NBAS: variants seen among roughly 807,000 people sequenced by gnomAD.
NBAS encodes NAG/BC035112 fusion.
Under a neutral mutation model 302.5 loss-of-function variants are expected in NBAS, and 219 were observed. The ratio of observed to expected loss-of-function variants is 0.72; its 90% CI spans 0.65 to 0.81. The LOEUF (loss-of-function observed/expected upper bound fraction) is 0.81, where lower values mean the gene tolerates loss of function less well. Ranked by LOEUF, NBAS falls within the 30% of genes least tolerant of loss-of-function variation. The probability of loss-of-function intolerance (pLI) is 0.00; values close to 1 mark genes in which losing one functional copy is unlikely to be tolerated. For synonymous variants in NBAS, 1,118 were observed against 1,021.6 expected, an observed-to-expected ratio of 1.09 and a Z score of -1.80; for missense variants, 2,932 against 2,841.6, an observed-to-expected ratio of 1.03 and a Z score of -0.72.
intron 21 of NBAS, among the ~76,000 whole-genome samples, chr2:15,449,954 G>C (rs1382170214): frequency 2.0e-5 from 3 of 152,094 alleles, no homozygotes; most frequent in Non-Finnish European, 2.9e-5. Context: ...AACTAATCAA[G>C]TTTTCAATCT....
chr2:15,396,430 T>C lies in NBAS; in HGVS notation c.3117A>G (p.Gln1039=), dbSNP rs926104978. The change falls in exon 27 of 52, where the codon CAA becomes CAG. Residue 1039 remains glutamine, a synonymous_variant. Coordinates refer to ENST00000281513, the MANE Select transcript of NBAS (RefSeq NM_015909.4). ...ATTKLHDMVD[Q]LEQILSVSEL... ...TTTCTCACCTGAGAATTTGTTCCAG[T>C]TGGTCTACCATGTCATGAAGCTTTG... 2 of 1,606,986 alleles carry C rather than the reference T, an allele frequency of 1.2e-6. No individual in the cohort carries two copies. Among genetic ancestry groups the C allele is most frequent in the African/African-American group, 2.7e-5 (2 of 74,566 alleles).
the NBAS span, among the ~76,000 whole-genome samples, chr2:14,892,935 G>C: frequency 6.6e-6 from 1 of 152,040 alleles, no homozygotes; most frequent in African/African-American, 2.4e-5. Flanking sequence ...ATTTGCTTAA[G>C]TGAATCAAAG....
chr2:15,182,952 G>C (rs1664899066), intron 50 of NBAS, among the ~76,000 whole-genome samples: 1 of 151,914 alleles, frequency 6.6e-6, no homozygotes. Context: ...TGGAGATGAA[G>C]AAAAAGGTGA....
chr2:15,297,583 C>T (rs12993786), intron 40 of NBAS, among the ~76,000 whole-genome samples: 83,387 of 152,100 alleles, frequency 0.55, 24,417 homozygotes, highest in East Asian at 0.85. Flanking sequence ...GCTTCCCCAT[C>T]GCCTTCTGCC....
the NBAS span, among the ~76,000 whole-genome samples, chr2:14,896,107 G>C: frequency 6.6e-6 from 1 of 151,872 alleles, no homozygotes; most frequent in African/African-American, 2.4e-5. Flanking sequence ...AAATTAATCC[G>C]GGAGAAGAGA....
At chr2:15,510,900 C>T (rs1374173516) in intron 10 of NBAS, among the ~76,000 whole-genome samples, 2 of 152,146 alleles carry the variant, frequency 1.3e-5, no homozygotes, top group African/African-American at 4.8e-5. Flanking sequence ...CTCCAAATAG[C>T]TGCCAACACA....
chr2:15,243,134 G>A (rs137958774), intron 44 of NBAS, among the ~76,000 whole-genome samples: 198 of 152,232 alleles, frequency 1.3e-3, no homozygotes, highest in African/African-American at 4.4e-3. Flanking sequence ...GCACTGCAAC[G>A]GTTCTAACTT....
chr2:15,548,690 T>A (rs1664233231), intron 6 of NBAS, among the ~76,000 whole-genome samples: 1 of 151,376 alleles, frequency 6.6e-6, no homozygotes, highest in Non-Finnish European at 1.5e-5. Context: ...GCAGGCTAAG[T>A]AAGTGCTGTG....
chr2:14,964,449 AC>A, the NBAS span, among the ~76,000 whole-genome samples: 1 of 152,196 alleles, frequency 6.6e-6, no homozygotes. Flanking sequence ...ACTATTCAAA[AC>A]AAAACACAGA....
At chr2:15,312,531 A>C (rs866254515) in intron 38 of NBAS, among the ~76,000 whole-genome samples, 15 of 152,086 alleles carry the variant, frequency 9.9e-5, no homozygotes, top group African/African-American at 2.7e-4. Flanking sequence ...CCTGCCTCGA[A>C]TTCCCAAAGT....
At chr2:15,515,809 G>C (rs1662362483) in intron 9 of NBAS, among the ~76,000 whole-genome samples, 1 of 152,136 alleles carries the variant, frequency 6.6e-6, no homozygotes, top group African/African-American at 2.4e-5. Context: ...TGGAAGAGAA[G>C]AGTCTGAAAC....
the NBAS span, among the ~76,000 whole-genome samples, chr2:14,807,893 T>C: frequency 1.3e-5 from 2 of 152,148 alleles, no homozygotes; most frequent in Non-Finnish European, 2.9e-5. Context: ...GGGTTAGTGC[T>C]CTCTTGCTAT....
chr2:15,046,613 AT>A, the NBAS span, among the ~76,000 whole-genome samples: 3 of 152,050 alleles, frequency 2.0e-5, no homozygotes, highest in Non-Finnish European at 4.4e-5. Context: ...TATTTTATAT[AT>A]TTTTTTGCCA....
chr2:15,507,543 C>T (rs540272268), intron 10 of NBAS, among the ~76,000 whole-genome samples: 1 of 152,208 alleles, frequency 6.6e-6, no homozygotes, highest in East Asian at 1.9e-4. Flanking sequence ...TTATCAAATG[C>T]CTTTACATAT....
At chr2:14,921,374 A>G in the NBAS span, among the ~76,000 whole-genome samples, 1 of 152,208 alleles carries the variant, frequency 6.6e-6, no homozygotes, top group Non-Finnish European at 1.5e-5. Flanking sequence ...CGTTTGAAAT[A>G]TTGTCAGAAT....
At chr2:15,338,982 T>G (rs1672725462) in intron 35 of NBAS, among the ~76,000 whole-genome samples, 2 of 152,052 alleles carry the variant, frequency 1.3e-5, no homozygotes, top group Non-Finnish European at 2.9e-5. Flanking sequence ...CACACTGCAC[T>G]CCAGCATTGG....
At chr2:15,264,849 G>T (rs78131097) in intron 44 of NBAS, among the ~76,000 whole-genome samples, 2 of 152,144 alleles carry the variant, frequency 1.3e-5, no homozygotes, top group African/African-American at 2.4e-5. Flanking sequence ...CGAGGGAGAC[G>T]GATGAAAATG....
intron 48 of NBAS, among the ~76,000 whole-genome samples, chr2:15,202,516 GTTTGTTTATTTA>G (rs1665927345): frequency 1.0e-5 from 1 of 100,282 alleles, no homozygotes; most frequent in Admixed American, 1.1e-4. Flanking sequence ...ACGTGTGTTT[GTTTGTTTATTTA>G]TTTATTTATT....
At chr2:15,510,158 C>CT (rs1018723201) in intron 10 of NBAS, among the ~76,000 whole-genome samples, 2 of 152,220 alleles carry the variant, frequency 1.3e-5, no homozygotes, top group African/African-American at 4.8e-5. Context: ...CAAGTGCTCA[C>CT]TTTCATACAG....
Sources: allele counts gnomAD v4.1 joint callset (sites outside exome capture counted in the v4.1 genomes callset), GRCh38; gene constraint gnomAD v4.1.1; transcripts MANE v1.5; gene names NCBI Gene and HGNC (gene_info 2026-07-23, HGNC 2026-07-21).